The following XYLT1 variants were observed in gnomAD, a reference collection of about 807,000 sequenced individuals.
The protein encoded by XYLT1 is beta-D-xylosyltransferase 1.
A neutral mutation model predicts 91.3 loss-of-function variants in XYLT1; 36 were observed. That is an observed-to-expected ratio of 0.39 (90% CI 0.30 to 0.52). The LOEUF (loss-of-function observed/expected upper bound fraction) is 0.52, where lower values mean the gene tolerates loss of function less well. XYLT1 is among the 20% of genes least tolerant of loss of function. The pLI is 0.68. For missense variants in XYLT1, 1,242 were observed against 1,284.5 expected, an observed-to-expected ratio of 0.97 and a Z score of 0.51; for synonymous variants, 588 against 532.0, an observed-to-expected ratio of 1.11 and a Z score of -1.45.
At chr16:17,340,661 T>G (rs1353723118) in intron 2 of XYLT1, among the ~76,000 whole-genome samples, 1 of 152,218 alleles carries the variant, frequency 6.6e-6, no homozygotes, top group East Asian at 1.9e-4. Context: ...TCAGTTTTGC[T>G]ATTTGAAAGA....
At chr16:17,255,517 A>G (rs1208943927) in intron 3 of XYLT1, among the ~76,000 whole-genome samples, 1 of 152,166 alleles carries the variant, frequency 6.6e-6, no homozygotes, top group Non-Finnish European at 1.5e-5. Context: ...AATGGCATTC[A>G]ACTCAGGCCT....
intron 2 of XYLT1, among the ~76,000 whole-genome samples, chr16:17,293,111 C>G (rs1279713697): frequency 6.6e-6 from 1 of 152,174 alleles, no homozygotes. Context: ...CGGGCACTTC[C>G]AAGAAGACTT....
intron 5 of XYLT1, among the ~76,000 whole-genome samples, chr16:17,196,150 G>C (rs1460742715): frequency 6.6e-6 from 1 of 152,164 alleles, no homozygotes; most frequent in Non-Finnish European, 1.5e-5. Flanking sequence ...CCAGCAGATG[G>C]TGGGATGCCC....
chr16:17,141,069 T>TGG, intron 7 of XYLT1, 84 bp downstream of exon 7: 1 of 1,400,446 alleles, frequency 7.1e-7, no homozygotes, highest in South Asian at 1.3e-5. Context: ...CCAGAATCTC[T>TGG]TTGCCAAAAA....
chr16:17,207,916 C>T (rs2032685123), intron 3 of XYLT1, among the ~76,000 whole-genome samples: 1 of 152,192 alleles, frequency 6.6e-6, no homozygotes, highest in African/African-American at 2.4e-5. Context: ...GGAGAAATGA[C>T]CCTTCCTTGG....
intron 1 of XYLT1, among the ~76,000 whole-genome samples, chr16:17,445,026 G>T (rs1596549515): frequency 6.6e-6 from 1 of 152,120 alleles, no homozygotes; most frequent in African/African-American, 2.4e-5. Context: ...TTTAGACAGG[G>T]TCTCACTCTA....
chr16:17,209,013 C>T (rs1359848599), intron 3 of XYLT1, among the ~76,000 whole-genome samples: 1 of 152,182 alleles, frequency 6.6e-6, no homozygotes, highest in African/African-American at 2.4e-5. Flanking sequence ...AGGCATGAGA[C>T]ACATCTGGCC....
chr16:17,144,512 T>C (rs1472822409), intron 6 of XYLT1, among the ~76,000 whole-genome samples: 2 of 152,082 alleles, frequency 1.3e-5, no homozygotes, highest in Non-Finnish European at 2.9e-5. Context: ...GATGGCGTCA[T>C]GGATGAGGCA....
intron 3 of XYLT1, chr16:17,228,067 T>G (rs1192121965): frequency 6.6e-6 from 1 of 152,190 alleles, no homozygotes; most frequent in Non-Finnish European, 1.5e-5. Flanking sequence ...TGTTGTAGGT[T>G]TGGATCAGGA....
intron 2 of XYLT1, among the ~76,000 whole-genome samples, chr16:17,353,766 C>T (rs1048703778): frequency 6.6e-6 from 1 of 152,210 alleles, no homozygotes; most frequent in Non-Finnish European, 1.5e-5. Context: ...AAGCCCATTT[C>T]TCCAGCTTTG....
intron 1 of XYLT1, among the ~76,000 whole-genome samples, chr16:17,402,262 G>C (rs2035979390): frequency 6.6e-6 from 1 of 152,038 alleles, no homozygotes; most frequent in Non-Finnish European, 1.5e-5. Flanking sequence ...CAAGGCTGCA[G>C]TGAGCCGTCA....
intron 2 of XYLT1, among the ~76,000 whole-genome samples, chr16:17,340,737 G>A (rs75168175): frequency 0.012 from 1,847 of 152,294 alleles, 19 homozygotes; most frequent in Non-Finnish European, 0.02. Context: ...TTCCTTATGG[G>A]AAGACTGAGT....
intron 2 of XYLT1, among the ~76,000 whole-genome samples, chr16:17,337,314 G>A (rs73523017): frequency 0.013 from 1,914 of 152,132 alleles, 36 homozygotes; most frequent in African/African-American, 0.044. Flanking sequence ...CAGCCTCCCA[G>A]GTAGCTGGAA....
At chr16:17,221,345 G>A (rs1040719173) in intron 3 of XYLT1, among the ~76,000 whole-genome samples, 8 of 152,108 alleles carry the variant, frequency 5.3e-5, no homozygotes, top group African/African-American at 1.9e-4. Flanking sequence ...TGCCGGGCAT[G>A]GTATCAAGAG....
In XYLT1 at chr16:17,232,467, T is replaced by TA. The variant is rs1330296035; in HGVS notation, c.913+26520_913+26521insT. On this transcript the variant is annotated intron_variant, in intron 3 of 11. Transcript: ENST00000261381. Reference sequence around the variant, plus strand: ...TATATATACATATATATATATATATTGCCCATGTCAAAAAGTTCTGAATCT... The same window carrying TA: ...TATATATACATATATATATATATATTAGCCCATGTCAAAAAGTTCTGAATCT... Among the ~76,000 whole-genome samples the TA allele has an allele frequency of 3.2e-4, 37 of 116,676 alleles. No individual in the cohort carries two copies. The South Asian group carries it at 9.1e-3, about 29-fold the overall frequency. The allele number at this position is 116,676 out of a possible 152,430, so 76.5% of individuals were successfully genotyped here.
Position 17,470,567 on chromosome 16 carries a change from G to T in XYLT1, c.230C>A (p.Ala77Asp). The T allele has an allele frequency of 1.7e-6, 2 of 1,205,008 alleles. No homozygotes were observed. The highest frequency in any genetic ancestry group is 2.1e-6 in the Non-Finnish European group (2 of 971,798). 74.6% of individuals were successfully genotyped at this position (1,205,008 alleles called of 1,614,324 possible). ...GCCGCCGCCTCCTCCTCCTCCTCGGGCTGCAGCCGGCTCGGCGGGCAGGTC... is the reference window on the plus strand; with the variant it reads ...GCCGCCGCCTCCTCCTCCTCCTCGGTCTGCAGCCGGCTCGGCGGGCAGGTC... Reference protein sequence around the residue: ...RRDLPAEPAAARGGGGGGGGG... With the variant: ...RRDLPAEPAADRGGGGGGGGG... The change falls in exon 1 of 12, where the codon GCC becomes GAC. Residue 77 changes from alanine to aspartate, a missense_variant. Transcript: ENST00000261381.
rs372190419 is a variant in XYLT1, at chr16:17,205,174, C to T, written c.914-4520G>A. On this transcript the variant is annotated intron_variant, in intron 3 of 11. Coordinates refer to ENST00000261381, the MANE Select transcript of XYLT1 (RefSeq NM_022166.4). ...GAAGGCTGAGGATGATGGGGGGTCC[C>T]GGAGAGCTCCCCCAGTAGATAGCTG... Among the ~76,000 whole-genome samples, 35 of 152,292 alleles carry T rather than the reference C, an allele frequency of 2.3e-4. No homozygotes were observed. The South Asian group carries it at 6.0e-3, about 26-fold the overall frequency.
intron 2 of XYLT1, among the ~76,000 whole-genome samples, chr16:17,266,695 C>T (rs145439426): frequency 3.9e-5 from 6 of 152,312 alleles, no homozygotes; most frequent in East Asian, 3.9e-4. Context: ...GATCAGTTTA[C>T]GGCTTCCTTT....
rs981101605 is a variant in XYLT1, at chr16:17,338,058, G to A, written c.402+19954C>T. 218 of 393,558 alleles carry A rather than the reference G, an allele frequency of 5.5e-4. 2 individuals carry two copies. The highest frequency in any genetic ancestry group is 1.2e-3 in the Admixed American group (44 of 36,408). 24.4% of individuals were successfully genotyped at this position (393,558 alleles called of 1,614,324 possible). ...GCTGGGATTATAGGCGTGAGCCACC[G>A]CACCCGGCCCCCGTTCTACATTTTA... On this transcript the variant is annotated intron_variant, in intron 2 of 11. Transcript: ENST00000261381.
Sources: allele counts gnomAD v4.1 joint callset (sites outside exome capture counted in the v4.1 genomes callset), GRCh38; gene constraint gnomAD v4.1.1; transcripts MANE v1.5; gene names NCBI Gene and HGNC (gene_info 2026-07-23, HGNC 2026-07-21).